The following BRD1 variants were observed in gnomAD, a reference collection of about 807,000 sequenced individuals.
BRD1 encodes the protein bromodomain-containing protein 1.
A neutral mutation model predicts 107.7 loss-of-function variants in BRD1; 24 were observed. That is an observed-to-expected ratio of 0.22 (90% confidence interval 0.16 to 0.31). The LOEUF is 0.31. Among genes scored for constraint, BRD1 ranks in the 10% least tolerant of loss-of-function variants. The probability of loss-of-function intolerance (pLI) is 1.00; values close to 1 mark genes in which losing one functional copy is unlikely to be tolerated. For synonymous variants in BRD1, 744 were observed against 686.1 expected (o/e 1.08, Z -1.32); for missense variants, 1,279 against 1,638.6 (o/e 0.78, Z 3.79).
chr22:49,808,783 C>T (rs1317985823), intron 2 of BRD1, among the ~76,000 whole-genome samples: 1 of 152,048 alleles, frequency 6.6e-6, no homozygotes, highest in Non-Finnish European at 1.5e-5. Context: ...GGAAAAATGC[C>T]CCCGACTCCA....
chr22:49,808,751 C>T (rs2059792440), intron 2 of BRD1, among the ~76,000 whole-genome samples: 1 of 152,200 alleles, frequency 6.6e-6, no homozygotes, highest in African/African-American at 2.4e-5. Context: ...ATGGAATGTG[C>T]ACCTTCCAAA....
chr22:49,816,986 G>A (rs2059965700), intron 2 of BRD1, among the ~76,000 whole-genome samples: 1 of 152,180 alleles, frequency 6.6e-6, no homozygotes, highest in Non-Finnish European at 1.5e-5. Flanking sequence ...AGAACTGCCG[G>A]ACCCCATTCC....
rs754438017 is a variant in BRD1, at chr22:49,774,368, A to G, written c.3435T>C (p.Thr1145=). The G allele has an allele frequency of 2.5e-6, 4 of 1,613,962 alleles. No homozygotes were observed. In the African/African-American group the frequency reaches 4.0e-5, roughly 16 times the overall value. The part of the protein sequence containing the change: ...SKMVPLGIDE[T]IDKLKMMEGR... ...CTTCCATCATCTTTAACTTGTCTAT[A>G]GTTTCGTCAATACCAAGGGGAACCA... The change falls in exon 13 of 13, where the codon ACT becomes ACC. Residue 1145 remains threonine (T), a synonymous_variant. Transcript: ENST00000404760.
chr22:49,777,003 A>G (rs1432495868), intron 10 of BRD1, 31 bp downstream of exon 10: 5 of 1,612,046 alleles, frequency 3.1e-6, no homozygotes, highest in Non-Finnish European at 4.2e-6. Flanking sequence ...GGAGGTGTGG[A>G]GAGCCATGGA....
chr22:49,811,482 G>A (rs1008040232), intron 2 of BRD1, among the ~76,000 whole-genome samples: 4 of 152,270 alleles, frequency 2.6e-5, no homozygotes, highest in East Asian at 1.9e-4. Context: ...GAACAGGACC[G>A]AGCGCCAGCC....
intron 6 of BRD1, among the ~76,000 whole-genome samples, chr22:49,797,250 T>C (rs1303088604): frequency 1.3e-5 from 2 of 152,206 alleles, no homozygotes; most frequent in African/African-American, 4.8e-5. Flanking sequence ...AGGTGGGCCG[T>C]GGACACACTC....
chr22:49,776,931 G>C, intron 10 of BRD1, 103 bp downstream of exon 10: 1 of 1,523,612 alleles, frequency 6.6e-7, no homozygotes, highest in Non-Finnish European at 8.9e-7. Flanking sequence ...GCTCCACACA[G>C]GGCACCATGC....
At chr22:49,810,139 A>G (rs1164089959) in intron 2 of BRD1, among the ~76,000 whole-genome samples, 2 of 152,216 alleles carry the variant, frequency 1.3e-5, no homozygotes, top group African/African-American at 4.8e-5. Context: ...AAAGAAAGAA[A>G]GAGAAAGAAA....
chr22:49,808,689 T>C (rs1229004493), intron 2 of BRD1, among the ~76,000 whole-genome samples: 1 of 152,218 alleles, frequency 6.6e-6, no homozygotes, highest in Non-Finnish European at 1.5e-5. Flanking sequence ...TTTTATGTTA[T>C]GTGTACGTGA....
chr22:49,777,658 C>G lies in BRD1; in HGVS notation c.2993+20G>C. 1.3e-6 allele frequency: 2 copies of G among 1,597,910 alleles called. No individual in the cohort carries two copies. The highest frequency in any genetic ancestry group is 1.7e-6 in the Non-Finnish European group (2 of 1,174,730). ...GTGCTGGGAGCTGCGTGGTGGGAAGCGCAGGGCCGCGGTGCCCACCTCGAG... is the reference window on the plus strand; with the variant it reads ...GTGCTGGGAGCTGCGTGGTGGGAAGGGCAGGGCCGCGGTGCCCACCTCGAG... On this transcript the variant is annotated intron_variant, in intron 9 of 12. Transcript: ENST00000404760.
chr22:49,807,308 A>G (rs961020953), intron 2 of BRD1: 6 of 152,194 alleles, frequency 3.9e-5, no homozygotes, highest in Non-Finnish European at 7.3e-5. Flanking sequence ...CTCAAGGAAC[A>G]CCCAACAGCC....
Position 49,823,134 on chromosome 22 carries a change from C to T in BRD1, c.1184G>A (p.Arg395Gln), listed in dbSNP as rs1371816964. 5.6e-6 allele frequency: 9 copies of T among 1,614,096 alleles called. No homozygotes were observed. Among genetic ancestry groups the T allele is most frequent in the African/African-American group, 2.7e-5 (2 of 74,932 alleles). The change falls in exon 2 of 13, where the codon CGG becomes CAG. Residue 395 changes from arginine to glutamine, a missense_variant. Arg to Gln is a conservative substitution (Grantham distance 43, BLOSUM62 1). Around this residue, in one of 7 missense-constraint regions of BRD1, gnomAD observed 158 missense variants for 310.2 expected, o/e 0.51. Transcript: ENST00000404760. ...CDVHTPPGCT[R>Q]RPLNIYGDVE... ...ATCCCCGTAAATATTCAGAGGCCTC[C>T]GGGTGCAGCCTGGAGGCGTGTGGAC...
rs1420511810 is a variant in BRD1 at position 49,798,596 on chromosome 22, G to T, written c.1747C>A (p.Pro583Thr). The change falls in exon 5 of 13, where the codon CCC becomes ACC. Residue 583 changes from proline (P) to threonine (T), a missense_variant. Pro to Thr is a conservative substitution (Grantham distance 38). This residue lies in a region of BRD1 where 406 missense variants were observed against 519.4 expected (regional missense o/e 0.78). Transcript: ENST00000404760. ...SVLDQLQDKD[P>T]ARIFAQPVSL... ...ACGGGCTGCGCAAATATCCTGGCGG[G>T]GTCCTTGTCTTGCAGCTGGTCCAGC... 1 of 1,614,170 alleles carries T rather than the reference G, an allele frequency of 6.2e-7. No individual in the cohort carries two copies. The highest frequency in any genetic ancestry group is 8.5e-7 in the Non-Finnish European group (1 of 1,180,024).
chr22:49,821,641 C>T (rs1000201675), intron 2 of BRD1, among the ~76,000 whole-genome samples: 4 of 151,572 alleles, frequency 2.6e-5, no homozygotes, highest in African/African-American at 7.3e-5. Context: ...TTCACTCTGT[C>T]ACGCAGGCTG....
rs774599876 is a variant in BRD1 at position 49,824,369 on chromosome 22, G to C, written c.-14-38C>G. On this transcript the variant is annotated intron_variant, in intron 1 of 12. Coordinates refer to ENST00000404760, the MANE Select transcript of BRD1 (RefSeq NM_001304808.3). The surrounding 1 kb of genome is among the most constrained non-coding windows in gnomAD (Gnocchi z 5.9). ...CAAAAGTAAAGGTAATTCTACGCAG[G>C]GTGACCAAAGACTCGAGAAAACCAC... is the stretch of plus-strand genomic sequence containing the variant. 2 of 1,595,492 alleles carry C rather than the reference G, an allele frequency of 1.3e-6. No individual in the cohort carries two copies. The highest frequency in any genetic ancestry group is 8.5e-7 in the Non-Finnish European group (1 of 1,170,580).
At position 49,774,051 on chromosome 22, in the gene BRD1, A is replaced by T; in HGVS notation, c.*182T>A. ...TGGGCTGCCCGGACGTGCCCACCCCACTCACAGCGCCCAGACGGAGATGGG... is the reference window on the plus strand; with the variant it reads ...TGGGCTGCCCGGACGTGCCCACCCCTCTCACAGCGCCCAGACGGAGATGGG... On this transcript the variant is annotated 3_prime_UTR_variant, in exon 13 of 13. Transcript: ENST00000404760. 1.3e-6 allele frequency: 1 copy of T among 793,628 alleles called. No individual in the cohort carries two copies. The highest frequency in any genetic ancestry group is 1.9e-6 in the Non-Finnish European group (1 of 528,340). The allele number at this position is 793,628 out of a possible 1,614,324, so 49.2% of individuals were successfully genotyped here.
At chr22:49,821,529 T>C (rs1394540975) in intron 2 of BRD1, among the ~76,000 whole-genome samples, 1 of 152,222 alleles carries the variant, frequency 6.6e-6, no homozygotes, top group African/African-American at 2.4e-5. Context: ...ATTATCTGAG[T>C]ATTTACAGCT....
intron 3 of BRD1, among the ~76,000 whole-genome samples, chr22:49,800,109 CG>C (rs1036967722): frequency 2.0e-5 from 3 of 152,324 alleles, no homozygotes; most frequent in Admixed American, 2.0e-4. Flanking sequence ...CCTCTGTCCC[CG>C]GGTTCCCACC....
chr22:49,789,006 G>T (rs1238639173), intron 7 of BRD1, among the ~76,000 whole-genome samples: 2 of 152,222 alleles, frequency 1.3e-5, no homozygotes, highest in Admixed American at 6.5e-5. Context: ...TTTTGAGGCT[G>T]AAGAAAGTTC....
Sources: gnomAD v4.1 joint callset for allele counts (sites outside exome capture counted in the v4.1 genomes callset) on GRCh38, gnomAD v4.1.1 for gene constraint, gnomAD v4.1.1 regional missense constraint, Gnocchi (gnomAD v3.1) non-coding constraint, MANE v1.5 for transcripts, NCBI Gene and HGNC (gene_info 2026-07-23, HGNC 2026-07-21) for gene names.